NAALADL2: variants seen among roughly 807,000 people sequenced by gnomAD.
NAALADL2 encodes the protein inactive N-acetylated-alpha-linked acidic dipeptidase-like protein 2.
NAALADL2 carries 76 observed loss-of-function variants against 87.2 expected under a neutral mutation model. The ratio of observed to expected loss-of-function variants is 0.87; its 90% CI spans 0.72 to 1.05. The LOEUF is 1.05. Among genes scored for constraint, NAALADL2 ranks in the 50% least tolerant of loss-of-function variants. The pLI is 0.00. For synonymous variants in NAALADL2, 354 were observed against 331.0 expected, an observed-to-expected ratio of 1.07 and a Z score of -0.75; for missense variants, 1,089 against 945.8, an observed-to-expected ratio of 1.15 and a Z score of -1.99.
chr3:175,118,623 T>C (rs1486597701), intron 2 of NAALADL2, among the ~76,000 whole-genome samples: 1 of 151,732 alleles, frequency 6.6e-6, no homozygotes, highest in East Asian at 1.9e-4. Context: ...TTTTATTCAA[T>C]ACTCTATAAT....
chr3:175,613,721 G>C (rs138522117), intron 10 of NAALADL2, among the ~76,000 whole-genome samples: 1 of 152,048 alleles, frequency 6.6e-6, no homozygotes, highest in Non-Finnish European at 1.5e-5. Flanking sequence ...CAAGATATTC[G>C]AACTCACTGT....
At chr3:174,874,892 G>C (rs1728289235) in intron 1 of NAALADL2, among the ~76,000 whole-genome samples, 1 of 151,818 alleles carries the variant, frequency 6.6e-6, no homozygotes, top group Non-Finnish European at 1.5e-5. Context: ...GAGGAAGAAG[G>C]ATCCCTTGAG....
intron 1 of NAALADL2, among the ~76,000 whole-genome samples, chr3:174,895,573 G>C (rs964475435): frequency 2.6e-5 from 4 of 152,196 alleles, no homozygotes; most frequent in African/African-American, 9.6e-5. Flanking sequence ...GGACCTGATG[G>C]CTTCACTGCT....
intron 1 of NAALADL2, among the ~76,000 whole-genome samples, chr3:174,950,131 G>A (rs988699327): frequency 6.6e-6 from 1 of 152,014 alleles, no homozygotes; most frequent in African/African-American, 2.4e-5. Flanking sequence ...GAATACCAAA[G>A]TTTAAAATAT....
chr3:175,114,484 T>C (rs1724761058), intron 2 of NAALADL2, among the ~76,000 whole-genome samples: 1 of 151,648 alleles, frequency 6.6e-6, no homozygotes, highest in Admixed American at 6.6e-5. Flanking sequence ...TCTTTTATTG[T>C]CCTAAATACA....
intron 13 of NAALADL2, among the ~76,000 whole-genome samples, chr3:175,796,896 T>C (rs943758908): frequency 3.6e-4 from 54 of 151,988 alleles, no homozygotes; most frequent in African/African-American, 1.1e-3. Flanking sequence ...TTCAAACACA[T>C]GGAAATGACT....
At chr3:174,914,544 G>A (rs2108317351) in intron 1 of NAALADL2, among the ~76,000 whole-genome samples, 1 of 152,192 alleles carries the variant, frequency 6.6e-6, no homozygotes, top group Admixed American at 6.5e-5. Flanking sequence ...AGTAAAGTTA[G>A]ACTAATGCTA....
chr3:174,799,221 G>GT (rs1718511885), intron 3 of NAALADL2, among the ~76,000 whole-genome samples: 1 of 151,840 alleles, frequency 6.6e-6, no homozygotes, highest in African/African-American at 2.4e-5. Flanking sequence ...TGGATGCATT[G>GT]TTTTTTCTTG....
intron 2 of NAALADL2, among the ~76,000 whole-genome samples, chr3:174,614,953 C>T (rs2108650798): frequency 6.6e-6 from 1 of 152,232 alleles, no homozygotes; most frequent in South Asian, 2.1e-4. Flanking sequence ...TCGTTAACTC[C>T]ACAAATTACG....
chr3:175,596,549 A>C (rs1424733037), intron 10 of NAALADL2, among the ~76,000 whole-genome samples: 1 of 151,912 alleles, frequency 6.6e-6, no homozygotes. Context: ...CCTAACTTTG[A>C]AGTTATTTTT....
intron 4 of NAALADL2, among the ~76,000 whole-genome samples, chr3:175,323,140 A>G (rs1760147582): frequency 6.7e-6 from 1 of 148,160 alleles, no homozygotes; most frequent in South Asian, 2.2e-4. Flanking sequence ...CATATACACC[A>G]TGGAATACTA....
chr3:174,719,344 T>C (rs952455138), intron 2 of NAALADL2, among the ~76,000 whole-genome samples: 1 of 152,142 alleles, frequency 6.6e-6, no homozygotes, highest in African/African-American at 2.4e-5. Context: ...TGTTTGTAAA[T>C]GGCCATATGC....
At chr3:175,517,777 T>TGA (rs1299544818) in intron 9 of NAALADL2, among the ~76,000 whole-genome samples, 1 of 151,880 alleles carries the variant, frequency 6.6e-6, no homozygotes, top group Non-Finnish European at 1.5e-5. Flanking sequence ...CTCTCTCTCT[T>TGA]GAGAGAGAGA....
At chr3:174,536,522 A>G (rs1721741182) in intron 1 of NAALADL2, 1 of 152,162 alleles carries the variant, frequency 6.6e-6, no homozygotes, top group Non-Finnish European at 1.5e-5. Context: ...CCAAAGAGGC[A>G]TTTACAAATA....
chr3:175,322,024 C>T lies in NAALADL2; in HGVS notation c.940-2151C>T, dbSNP rs1380494403. ...TATGGAACCAAAAAAGAGCCCGCAT[C>T]ACCAAGTCAATCCGAAGCCAAAAGA... On this transcript the variant is annotated intron_variant, in intron 4 of 13. Coordinates refer to ENST00000454872, the MANE Select transcript of NAALADL2 (RefSeq NM_207015.3). Among the ~76,000 whole-genome samples, 9 of 152,070 alleles carry T rather than the reference C, an allele frequency of 5.9e-5. No individual in the cohort carries two copies. In the South Asian group the frequency reaches 8.3e-4, roughly 14 times the overall value.
At chr3:175,747,639 C>CT (rs111942136) in intron 12 of NAALADL2, among the ~76,000 whole-genome samples, 49 of 148,976 alleles carry the variant, frequency 3.3e-4, no homozygotes, top group Middle Eastern at 3.5e-3. Flanking sequence ...TCATTTAAGC[C>CT]TTTTTTTTTT....
At chr3:175,236,027 A>G (rs531222721) in intron 3 of NAALADL2, among the ~76,000 whole-genome samples, 25 of 152,258 alleles carry the variant, frequency 1.6e-4, no homozygotes, top group African/African-American at 5.8e-4. Context: ...CACACTGACC[A>G]AGGAAAGAGA....
intron 11 of NAALADL2, among the ~76,000 whole-genome samples, chr3:175,722,486 A>G (rs1166671333): frequency 6.6e-6 from 1 of 152,158 alleles, no homozygotes; most frequent in African/African-American, 2.4e-5. Flanking sequence ...TTGTTTAAAT[A>G]AGTTGAATAA....
intron 13 of NAALADL2, among the ~76,000 whole-genome samples, chr3:175,758,510 C>T (rs765434667): frequency 6.6e-6 from 1 of 151,910 alleles, no homozygotes; most frequent in Non-Finnish European, 1.5e-5. Context: ...CGAATTTGTA[C>T]TTCATTTATA....
Sources: allele counts gnomAD v4.1 joint callset (sites outside exome capture counted in the v4.1 genomes callset), GRCh38; gene constraint gnomAD v4.1.1; transcripts MANE v1.5; gene names NCBI Gene and HGNC (gene_info 2026-07-23, HGNC 2026-07-21).